The following DOCK10 variants were observed in gnomAD, a reference collection of about 807,000 sequenced individuals.
The protein encoded by DOCK10 is dedicator of cytokinesis protein 10.
Under a neutral mutation model 280.1 loss-of-function variants are expected in DOCK10, and 145 were observed. The observed-to-expected ratio is 0.52, with a 90% CI of 0.45 to 0.59. DOCK10 has a LOEUF of 0.59. Among genes scored for constraint, DOCK10 ranks in the 20% least tolerant of loss-of-function variants. The pLI is 0.00. For missense variants in DOCK10, 2,368 were observed against 2,651.7 expected (o/e 0.89, Z 2.35); for synonymous variants, 915 against 942.2 (o/e 0.97, Z 0.53).
intron 18 of DOCK10, among the ~76,000 whole-genome samples, chr2:224,850,123 T>C (rs1696636925): frequency 6.6e-6 from 1 of 152,318 alleles, no homozygotes; most frequent in South Asian, 2.1e-4. Flanking sequence ...TTCTAAAGTT[T>C]CTTTAGAAAT....
chr2:224,816,843 C>T, intron 29 of DOCK10, 130 bp from the exon 30 acceptor site: 1 of 588,058 alleles, frequency 1.7e-6, no homozygotes. Flanking sequence ...TGTCGGACCA[C>T]TAGGTAATTA....
chr2:224,868,801 G>C (rs1031626717), intron 11 of DOCK10, among the ~76,000 whole-genome samples: 3 of 152,130 alleles, frequency 2.0e-5, no homozygotes, highest in Admixed American at 1.3e-4. Context: ...CTCTTGTTTT[G>C]TGGTAGTAGT....
intron 2 of DOCK10, among the ~76,000 whole-genome samples, chr2:224,918,474 A>G (rs2125949393): frequency 6.8e-6 from 1 of 145,996 alleles, no homozygotes; most frequent in South Asian, 2.2e-4. Flanking sequence ...ATGTGTGGTG[A>G]GTTTGTGGTG....
intron 1 of DOCK10, among the ~76,000 whole-genome samples, chr2:225,035,579 T>TA (rs1690231846): frequency 9.4e-6 from 1 of 105,996 alleles, no homozygotes; most frequent in African/African-American, 4.4e-5. Context: ...TATATATATA[T>TA]ATATATATAA....
At chr2:224,866,505 A>C (rs1697919154) in intron 11 of DOCK10, among the ~76,000 whole-genome samples, 1 of 152,146 alleles carries the variant, frequency 6.6e-6, no homozygotes, top group South Asian at 2.1e-4. Context: ...TATTTGTGGA[A>C]ATATGTTCTG....
chr2:224,770,216 C>T lies in DOCK10; in HGVS notation c.6439G>A (p.Glu2147Lys). 1 of 1,571,998 alleles carries T rather than the reference C, an allele frequency of 6.4e-7. No individual in the cohort carries two copies. The highest frequency in any genetic ancestry group is 2.3e-5 in the East Asian group (1 of 44,084). ...GTGCACCAAGGAGCGCTCACCTGCT[C>T]ATTCATGACTGTGGAGAGTTCGCTG... The part of the protein sequence containing the change: ...MLSELSTVMN[E>K]QITGRDDLSK... Residue 2147 changes from glutamate to lysine, a missense_variant, in exon 55 of 56, where the codon GAG becomes AAG. By Grantham distance (56) the Glu-to-Lys change is moderately conservative. Around this residue, in one of 2 missense-constraint regions of DOCK10, gnomAD observed 1,159 missense variants for 1,400.8 expected, o/e 0.83. Transcript: ENST00000258390. This position sits in a 1 kb window ranked among gnomAD's most constrained non-coding sequence, Gnocchi z 4.5.
chr2:224,806,575 A>T (rs1179805450), intron 33 of DOCK10, among the ~76,000 whole-genome samples: 1 of 152,112 alleles, frequency 6.6e-6, no homozygotes, highest in Non-Finnish European at 1.5e-5. Context: ...CATTACTATT[A>T]TTAGCAACTA....
intron 23 of DOCK10, 147 bp downstream of exon 23, chr2:224,841,657 A>C: frequency 4.2e-6 from 2 of 481,318 alleles, no homozygotes; most frequent in Non-Finnish European, 7.4e-6. Context: ...ATTATGAAAT[A>C]AAATCATTTA....
intron 1 of DOCK10, among the ~76,000 whole-genome samples, chr2:224,939,355 C>A (rs937072629): frequency 6.6e-6 from 1 of 152,122 alleles, no homozygotes; most frequent in African/African-American, 2.4e-5. Context: ...AAATTTGGAT[C>A]TTTGAAGTCT....
intron 48 of DOCK10, 93 bp from the exon 49 acceptor site, chr2:224,787,490 T>C: frequency 6.7e-7 from 1 of 1,499,108 alleles, no homozygotes; most frequent in Non-Finnish European, 9.1e-7. Flanking sequence ...TTGTCAAACT[T>C]TTCCCTCTGT....
At chr2:224,804,266 TAA>T (rs1693229044) in intron 38 of DOCK10, 53 bp from the exon 39 acceptor site, 5 of 1,021,654 alleles carry the variant, frequency 4.9e-6, no homozygotes, top group Middle Eastern at 2.1e-4. Flanking sequence ...AATTTACATA[TAA>T]AAATGAATGG....
chr2:225,039,510 A>G (rs1690356827), intron 1 of DOCK10, among the ~76,000 whole-genome samples: 1 of 147,762 alleles, frequency 6.8e-6, no homozygotes, highest in Non-Finnish European at 1.5e-5. Context: ...CTGCAAGTAC[A>G]TAAGCCTACT....
At chr2:225,004,278 G>T (rs2126289237) in intron 1 of DOCK10, among the ~76,000 whole-genome samples, 1 of 152,352 alleles carries the variant, frequency 6.6e-6, no homozygotes, top group East Asian at 1.9e-4. Context: ...GACACAGAGA[G>T]AAAAGGAAGA....
intron 27 of DOCK10, 71 bp downstream of exon 27, chr2:224,830,470 G>A (rs1479568687): frequency 1.1e-5 from 9 of 807,988 alleles, no homozygotes; most frequent in Non-Finnish European, 1.3e-5. Context: ...ACTCATGACA[G>A]CATAATCATT....
At chr2:224,940,916 T>TC (rs994561746) in intron 1 of DOCK10, among the ~76,000 whole-genome samples, 1 of 152,082 alleles carries the variant, frequency 6.6e-6, no homozygotes, top group Admixed American at 6.5e-5. Flanking sequence ...CCTTTCTTCC[T>TC]CCCCCCATTT....
At chr2:224,941,010 A>G (rs1200416363) in intron 1 of DOCK10, among the ~76,000 whole-genome samples, 1 of 152,214 alleles carries the variant, frequency 6.6e-6, no homozygotes, top group Non-Finnish European at 1.5e-5. Flanking sequence ...TAACAGTCAC[A>G]CCAAATAATT....
chr2:224,849,841 A>T (rs1696613956), intron 18 of DOCK10, among the ~76,000 whole-genome samples: 1 of 152,222 alleles, frequency 6.6e-6, no homozygotes, highest in Admixed American at 6.5e-5. Flanking sequence ...TTAATACGCC[A>T]GGGCCAAATA....
At chr2:225,018,887 A>G (rs947654583) in intron 1 of DOCK10, among the ~76,000 whole-genome samples, 1 of 147,630 alleles carries the variant, frequency 6.8e-6, no homozygotes, top group Non-Finnish European at 1.5e-5. Flanking sequence ...ATCATTATAT[A>G]TGTGTATATA....
Position 225,042,365 on chromosome 2 carries a change from C to T in DOCK10, c.10G>A (p.Glu4Lys). 2 of 1,269,764 alleles carry T rather than the reference C, an allele frequency of 1.6e-6. No individual in the cohort carries two copies. Among genetic ancestry groups the T allele is most frequent in the Non-Finnish European group, 2.0e-6 (2 of 1,006,452 alleles). The allele number at this position is 1,269,764 out of a possible 1,614,324, so 78.7% of individuals were successfully genotyped here. A position where few individuals can be genotyped will look rare whatever the true frequency, so the allele number is the denominator to read the frequency against. The change falls in exon 1 of 56, where the codon GAG becomes AAG. Residue 4 changes from glutamate (E) to lysine (K), a missense_variant. Glu to Lys is a moderately conservative substitution (Grantham distance 56, BLOSUM62 1). Transcript: ENST00000258390. The surrounding 1 kb of genome is among the most constrained non-coding windows in gnomAD (Gnocchi z 5.1). The stretch of plus-strand genomic sequence containing the variant: ...CTCCGGGTGAACCTGCGGGTCCGCT[C>T]ACCGGCCATCGCCGGTCACGCCAAT... MAG[E>K]RTRRFTRSLL...
Sources: allele counts gnomAD v4.1 joint callset (sites outside exome capture counted in the v4.1 genomes callset), GRCh38; gene constraint gnomAD v4.1.1; regional missense constraint gnomAD v4.1.1; non-coding constraint Gnocchi (gnomAD v3.1); transcripts MANE v1.5; gene names NCBI Gene and HGNC (gene_info 2026-07-23, HGNC 2026-07-21).